Variants in DOCK9 observed in about 807,000 individuals in gnomAD.
The protein encoded by DOCK9 is dedicator of cytokinesis 9.
Under a neutral mutation model 263.3 loss-of-function variants are expected in DOCK9, and 89 were observed. That is an observed-to-expected ratio of 0.34 (90% CI 0.28 to 0.40). The LOEUF (loss-of-function observed/expected upper bound fraction) is 0.40. Ranked by LOEUF, DOCK9 falls within the 10% of genes least tolerant of loss-of-function variation. The probability of loss-of-function intolerance (pLI) is 1.00; values close to 1 mark genes in which losing one functional copy is unlikely to be tolerated. For missense variants in DOCK9, 2,140 were observed against 2,603.4 expected (o/e 0.82, Z 3.87); for synonymous variants, 976 against 973.1 (o/e 1.00, Z -0.06).
chr13:98,814,839 G>A (rs182631091), intron 45 of DOCK9, among the ~76,000 whole-genome samples: 19 of 152,074 alleles, frequency 1.2e-4, no homozygotes, highest in African/African-American at 4.6e-4. Flanking sequence ...TACTTGGGAG[G>A]CTGAGGTGGG....
chr13:98,861,369 T>C (rs1332126896), intron 32 of DOCK9, among the ~76,000 whole-genome samples: 2 of 152,270 alleles, frequency 1.3e-5, no homozygotes, highest in South Asian at 2.1e-4. Context: ...ACTCTGCAAG[T>C]GTACACCCAT....
chr13:98,807,726 G>C lies in DOCK9; in HGVS notation c.5449C>G (p.Leu1817Val). The C allele has an allele frequency of 6.2e-7, 1 of 1,613,758 alleles. No homozygotes were observed. Among genetic ancestry groups the C allele is most frequent in the Non-Finnish European group, 8.5e-7 (1 of 1,179,732 alleles). The change falls in exon 48 of 53, where the codon CTC (leucine) becomes GTC (valine). Residue 1817 changes from leucine to valine, a missense_variant. By Grantham distance (32) the Leu-to-Val change is conservative (BLOSUM62 1). This residue lies in a region of DOCK9 where 619 missense variants were observed against 861.8 expected (regional missense o/e 0.72). Transcript: ENST00000682017. The part of the protein sequence containing the change: ...LTPLSEISQR[L>V]LKLYSDKFGS... ...AATTTATCCGAGTACAGTTTAAGGA[G>C]TCTCTGAGAAATTTCCGACAGCGGT...
chr13:98,854,863 G>A (rs942877247), intron 34 of DOCK9: 3 of 152,196 alleles, frequency 2.0e-5, no homozygotes, highest in African/African-American at 7.2e-5. Flanking sequence ...CCAGCCATGG[G>A]ATGCGTGACA....
intron 1 of DOCK9, among the ~76,000 whole-genome samples, chr13:99,070,648 G>T (rs547731440): frequency 3.9e-5 from 6 of 152,144 alleles, no homozygotes; most frequent in African/African-American, 4.8e-5. Context: ...AGATCTATGG[G>T]GTAAGTGCTA....
At chr13:99,027,273 C>T (rs1427309509) in intron 1 of DOCK9, among the ~76,000 whole-genome samples, 1 of 152,200 alleles carries the variant, frequency 6.6e-6, no homozygotes, top group Non-Finnish European at 1.5e-5. Flanking sequence ...CAGCCTCAGC[C>T]TCCTAAAGTG....
intron 45 of DOCK9, among the ~76,000 whole-genome samples, chr13:98,819,733 G>C (rs1287049811): frequency 6.6e-6 from 1 of 152,214 alleles, no homozygotes; most frequent in South Asian, 2.1e-4. Context: ...GGGTAAAGTG[G>C]ACATGAGCTA....
rs146581245 is a variant in DOCK9 at position 98,975,472 on chromosome 13, TACACACAC to T, written c.126+2304_126+2311del. Among the ~76,000 whole-genome samples, 842 of 142,500 alleles carry T rather than the reference TACACACAC, an allele frequency of 5.9e-3. 5 individuals are homozygous for T. Among genetic ancestry groups the T allele is most frequent in the South Asian group, 0.02 (88 of 4,362 alleles). The allele number at this position is 142,500 out of a possible 152,430, so 93.5% of individuals were successfully genotyped here. A position where few individuals can be genotyped will look rare whatever the true frequency, so the allele number is the denominator to read the frequency against. ...CATAATAGTATATTCTCTAAACACATACACACACACACACACACACACACACACACACA... is the reference window on the plus strand; with the variant it reads ...CATAATAGTATATTCTCTAAACACATACACACACACACACACACACACACA... On this transcript the variant is annotated intron_variant, in intron 1 of 52. Transcript: ENST00000682017.
At chr13:99,066,886 C>T (rs192893262) in intron 1 of DOCK9, among the ~76,000 whole-genome samples, 9 of 152,288 alleles carry the variant, frequency 5.9e-5, no homozygotes, top group African/African-American at 2.2e-4. Flanking sequence ...TGCCACTACC[C>T]AGAATCTTTA....
At chr13:98,950,745 T>G (rs960325660) in intron 2 of DOCK9, among the ~76,000 whole-genome samples, 1 of 152,254 alleles carries the variant, frequency 6.6e-6, no homozygotes. Flanking sequence ...TCTCATATAC[T>G]GTCACTTTAC....
chr13:99,077,623 G>A (rs1479012174), intron 1 of DOCK9, among the ~76,000 whole-genome samples: 1 of 152,216 alleles, frequency 6.6e-6, no homozygotes, highest in African/African-American at 2.4e-5. Context: ...GACCAGGAAA[G>A]AAAGGAGACA....
chr13:98,872,957 G>T (rs1447364138), intron 27 of DOCK9, among the ~76,000 whole-genome samples: 2 of 152,194 alleles, frequency 1.3e-5, no homozygotes, highest in African/African-American at 4.8e-5. Context: ...GACTGAGGGT[G>T]GAAAGGAAGC....
At chr13:99,030,035 C>T (rs7329897) in intron 1 of DOCK9, among the ~76,000 whole-genome samples, 79,560 of 152,102 alleles carry the variant, frequency 0.52, 21,094 homozygotes, top group South Asian at 0.68. Context: ...AGGCTACCTA[C>T]TGAGTGATTC....
chr13:98,865,548 C>T (rs892499987), intron 30 of DOCK9, among the ~76,000 whole-genome samples: 8 of 152,104 alleles, frequency 5.3e-5, no homozygotes, highest in African/African-American at 1.9e-4. Flanking sequence ...TATATCCCCC[C>T]ATCGACTGAG....
chr13:98,813,796 T>C (rs571282534), intron 45 of DOCK9, among the ~76,000 whole-genome samples: 2 of 151,846 alleles, frequency 1.3e-5, no homozygotes, highest in Non-Finnish European at 2.9e-5. Context: ...TGTGCCACCA[T>C]GCCCGGCTAA....
upstream of DOCK9, among the ~76,000 whole-genome samples, chr13:98,982,083 TA>T (rs1877357202): frequency 6.6e-6 from 1 of 152,154 alleles, no homozygotes; most frequent in South Asian, 2.1e-4. Context: ...AAAAATGTTG[TA>T]AACCCTGTGG....
At chr13:98,836,060 A>T (rs1288362272) in intron 39 of DOCK9, among the ~76,000 whole-genome samples, 1 of 152,118 alleles carries the variant, frequency 6.6e-6, no homozygotes, top group Middle Eastern at 3.2e-3. Flanking sequence ...TTAAGCAAGC[A>T]ACTTGAAGGG....
At chr13:98,836,785 G>A (rs1211918887) in intron 39 of DOCK9, among the ~76,000 whole-genome samples, 3 of 152,208 alleles carry the variant, frequency 2.0e-5, no homozygotes. Context: ...GTGGAGACAA[G>A]TAAAGCAGAG....
intron 1 of DOCK9, among the ~76,000 whole-genome samples, chr13:98,992,969 G>C (rs190863376): frequency 3.9e-5 from 6 of 152,320 alleles, no homozygotes; most frequent in Non-Finnish European, 7.4e-5. Flanking sequence ...AAGTCTGAAA[G>C]AGCATGGTGT....
chr13:98,830,770 A>G (rs2092727079), intron 41 of DOCK9, among the ~76,000 whole-genome samples: 1 of 152,154 alleles, frequency 6.6e-6, no homozygotes, highest in Admixed American at 6.5e-5. Flanking sequence ...GAGGGCTGGG[A>G]GAGGGTTGTT....
Sources: gnomAD v4.1 joint callset for allele counts (sites outside exome capture counted in the v4.1 genomes callset) on GRCh38, gnomAD v4.1.1 for gene constraint, gnomAD v4.1.1 regional missense constraint, MANE v1.5 for transcripts, NCBI Gene and HGNC (gene_info 2026-07-23, HGNC 2026-07-21) for gene names.